The following SLC41A2 variants were observed in gnomAD, a reference collection of about 807,000 sequenced individuals.
The protein encoded by SLC41A2 is SLC41A1-like 1.
In SLC41A2, 32 loss-of-function variants were observed where a neutral mutation model predicts 58.3. That is an observed-to-expected ratio of 0.55 (90% CI 0.41 to 0.74). The LOEUF (loss-of-function observed/expected upper bound fraction) is 0.74, where lower values mean the gene tolerates loss of function less well. Among genes scored for constraint, SLC41A2 ranks in the 30% least tolerant of loss-of-function variants. The probability of loss-of-function intolerance (pLI) is 0.00; values close to 1 mark genes in which losing one functional copy is unlikely to be tolerated. For synonymous variants in SLC41A2, 190 were observed against 235.0 expected, an observed-to-expected ratio of 0.81 and a Z score of 1.75; for missense variants, 514 against 680.6, an observed-to-expected ratio of 0.76 and a Z score of 2.72.
intron 2 of SLC41A2, among the ~76,000 whole-genome samples, chr12:104,916,669 A>T (rs1006442879): frequency 6.6e-6 from 1 of 152,146 alleles, no homozygotes; most frequent in Non-Finnish European, 1.5e-5. Flanking sequence ...AAATAACGCC[A>T]CATATCTACA....
At chr12:104,871,186 A>T (rs1161205763) in intron 6 of SLC41A2, among the ~76,000 whole-genome samples, 1 of 152,222 alleles carries the variant, frequency 6.6e-6, no homozygotes, top group African/African-American at 2.4e-5. Flanking sequence ...TGCCTCTCAG[A>T]TCTCGCCTAC....
In SLC41A2 at chr12:104,866,585, A is replaced by G; in HGVS notation, c.1028-6T>C. The G allele has an allele frequency of 6.8e-7, 1 of 1,480,984 alleles. No individual in the cohort carries two copies. 91.7% of individuals were successfully genotyped at this position (1,480,984 alleles called of 1,614,324 possible). A position where few individuals can be genotyped will look rare whatever the true frequency, so the allele number is the denominator to read the frequency against. On this transcript the variant is annotated splice_polypyrimidine_tract_variant and splice_region_variant and intron_variant, in intron 6 of 10. Coordinates refer to ENST00000258538, the MANE Select transcript of SLC41A2 (RefSeq NM_001352171.3). ...AGAAATGTAGTAATAGGTCTCTAAAATTAAAAAAAAAAAAAAAAAGAGAGA... is the reference window on the plus strand; with the variant it reads ...AGAAATGTAGTAATAGGTCTCTAAAGTTAAAAAAAAAAAAAAAAAGAGAGA...
At chr12:104,902,577 C>T (rs552656982) in intron 3 of SLC41A2, among the ~76,000 whole-genome samples, 123 of 152,082 alleles carry the variant, frequency 8.1e-4, no homozygotes, top group African/African-American at 2.8e-3. Context: ...CTGGACTACA[C>T]GAAATTACTG....
At chr12:104,909,281 T>C (rs1227247132) in intron 3 of SLC41A2, among the ~76,000 whole-genome samples, 4 of 152,350 alleles carry the variant, frequency 2.6e-5, no homozygotes, top group South Asian at 2.1e-4. Flanking sequence ...TTTTTTATAT[T>C]GTTCCCTTTT....
chr12:104,852,305 C>A (rs1300832675), intron 8 of SLC41A2, among the ~76,000 whole-genome samples: 3 of 152,056 alleles, frequency 2.0e-5, no homozygotes, highest in Non-Finnish European at 2.9e-5. Flanking sequence ...TCTGGGGATT[C>A]TCTTGGGGGT....
intron 8 of SLC41A2, among the ~76,000 whole-genome samples, chr12:104,849,371 A>G (rs1223226971): frequency 1.3e-5 from 2 of 152,254 alleles, no homozygotes; most frequent in African/African-American, 2.4e-5. Flanking sequence ...AAATGTGAAT[A>G]AAAGCACAAT....
chr12:104,855,201 T>C lies in SLC41A2; in HGVS notation c.1255+6090A>G, dbSNP rs570724956. Among the ~76,000 whole-genome samples the C allele has an allele frequency of 1.4e-4, 22 of 152,328 alleles. No homozygotes were observed. In the South Asian group the frequency reaches 3.9e-3, roughly 27 times the overall value. On this transcript the variant is annotated intron_variant, in intron 8 of 10. Coordinates refer to ENST00000258538, the MANE Select transcript of SLC41A2 (RefSeq NM_001352171.3). The stretch of plus-strand genomic sequence containing the variant: ...AGTGCTACTTCTAAGATGTTTATTG[T>C]TTTATACTATTTAATAAATGCAAAA...
intron 5 of SLC41A2, among the ~76,000 whole-genome samples, chr12:104,888,292 C>G (rs919216972): frequency 4.6e-5 from 7 of 152,094 alleles, no homozygotes; most frequent in Admixed American, 2.6e-4. Flanking sequence ...TTCCCAGAAC[C>G]TAGCCAAAAA....
At chr12:104,824,735 G>A (rs957653854) in intron 10 of SLC41A2, among the ~76,000 whole-genome samples, 3 of 152,148 alleles carry the variant, frequency 2.0e-5, no homozygotes, top group Admixed American at 1.3e-4. Context: ...TGTGGGGTCA[G>A]AGCCCCACAG....
At chr12:104,872,795 T>C (rs1341528741) in intron 6 of SLC41A2, among the ~76,000 whole-genome samples, 2 of 152,162 alleles carry the variant, frequency 1.3e-5, no homozygotes, top group Admixed American at 6.6e-5. Context: ...CCTTAGTACA[T>C]GTATGAAAGC....
chr12:104,892,331 T>TAAAAC (rs2045046001), intron 4 of SLC41A2, among the ~76,000 whole-genome samples: 1 of 135,678 alleles, frequency 7.4e-6, no homozygotes, highest in Non-Finnish European at 1.5e-5. Flanking sequence ...TAAAATAAAA[T>TAAAAC]AAAATATTGA....
intron 1 of SLC41A2, among the ~76,000 whole-genome samples, 188 bp downstream of exon 1, chr12:104,957,900 G>A (rs2048229553): frequency 6.6e-6 from 1 of 152,036 alleles, no homozygotes; most frequent in South Asian, 2.1e-4. Flanking sequence ...CTGGGCTCGG[G>A]CGCTGCCCGG....
intron 1 of SLC41A2, among the ~76,000 whole-genome samples, chr12:104,957,167 G>C (rs931066594): frequency 7.0e-6 from 1 of 142,578 alleles, no homozygotes; most frequent in African/African-American, 2.5e-5. Context: ...AAACAAATGT[G>C]GTACACTGAT....
chr12:104,849,211 A>G (rs2042717145), intron 8 of SLC41A2, among the ~76,000 whole-genome samples: 1 of 152,238 alleles, frequency 6.6e-6, no homozygotes. Flanking sequence ...AGTGTAATTA[A>G]AACCTTCTGT....
intron 1 of SLC41A2, among the ~76,000 whole-genome samples, chr12:104,947,470 G>A (rs1265462415): frequency 6.6e-6 from 1 of 151,708 alleles, no homozygotes; most frequent in Non-Finnish European, 1.5e-5. Flanking sequence ...AAAGTGCTGG[G>A]ATTCCAGGCG....
intron 5 of SLC41A2, among the ~76,000 whole-genome samples, chr12:104,888,767 T>C (rs2044796990): frequency 6.6e-6 from 1 of 152,138 alleles, no homozygotes; most frequent in Non-Finnish European, 1.5e-5. Context: ...CAAATGAATG[T>C]CTAGGCGATT....
intron 6 of SLC41A2, among the ~76,000 whole-genome samples, chr12:104,885,103 T>C (rs999930883): frequency 1.3e-5 from 2 of 152,204 alleles, no homozygotes; most frequent in Non-Finnish European, 2.9e-5. Flanking sequence ...CATGTATCAT[T>C]CTTTGCAAAT....
chr12:104,878,011 A>C (rs577830775), intron 6 of SLC41A2, among the ~76,000 whole-genome samples: 1 of 152,094 alleles, frequency 6.6e-6, no homozygotes, highest in South Asian at 2.1e-4. Flanking sequence ...TCTGTCTCAA[A>C]AAATTAATTA....
chr12:104,946,170 A>C (rs1292799000), intron 1 of SLC41A2, among the ~76,000 whole-genome samples: 1 of 152,238 alleles, frequency 6.6e-6, no homozygotes, highest in East Asian at 1.9e-4. Context: ...TTTTATTCTA[A>C]GAAGTAGCAT....
Sources: allele counts gnomAD v4.1 joint callset (sites outside exome capture counted in the v4.1 genomes callset), GRCh38; gene constraint gnomAD v4.1.1; transcripts MANE v1.5; gene names NCBI Gene and HGNC (gene_info 2026-07-23, HGNC 2026-07-21).